Variants in SCART1 observed in about 807,000 individuals in gnomAD.
The protein encoded by SCART1 is scavenger receptor family member expressed on T cells 1, also known as scavenger receptor cysteine-rich domain-containing protein SCART1.
A neutral mutation model predicts 36.2 loss-of-function variants in SCART1; 62 were observed. That is an observed-to-expected ratio of 1.71 (90% CI 1.40 to 2.12). SCART1 has a LOEUF of 2.12. Ranked by LOEUF, SCART1 falls within the 30% of genes most tolerant of loss-of-function variation. The probability of loss-of-function intolerance (pLI) is 0.00; values close to 1 mark genes in which losing one functional copy is unlikely to be tolerated. For synonymous variants in SCART1, 487 were observed against 238.7 expected, an observed-to-expected ratio of 2.04 and a Z score of -9.59; for missense variants, 1,041 against 540.5, an observed-to-expected ratio of 1.93 and a Z score of -9.18.
chr10:133,456,128 C>T (rs1450470915), intron 1 of SCART1, 109 bp from the exon 2 acceptor site: 4 of 634,616 alleles, frequency 6.3e-6, no homozygotes, highest in Non-Finnish European at 1.1e-5. Context: ...TGAGAGGAGC[C>T]CGACTCGCTG....
chr10:133,463,976 C>G (rs1023672911), intron 6 of SCART1, among the ~76,000 whole-genome samples: 1 of 152,162 alleles, frequency 6.6e-6, no homozygotes, highest in Admixed American at 6.5e-5. Flanking sequence ...CCTCCCTCCC[C>G]CAACCCTTCC....
chr10:133,458,278 A>C, intron 3 of SCART1, 82 bp from the exon 4 acceptor site: 1 of 701,748 alleles, frequency 1.4e-6, no homozygotes, highest in Non-Finnish European at 2.6e-6. Flanking sequence ...TCCTGGCTGA[A>C]GCCTTCCGCA....
At chr10:133,468,567 T>C (rs540333534) in exon 12 of SCART1, 2 of 152,348 alleles carry the variant, frequency 1.3e-5, no homozygotes, top group Admixed American at 1.3e-4. Context: ...TCAGAGCAAA[T>C]GTGTTCCACA....
At chr10:133,465,414 G>C (rs891377485) in exon 9 of SCART1, 2 of 580,040 alleles carry the variant, frequency 3.4e-6, no homozygotes, top group South Asian at 4.1e-5. Flanking sequence ...TCGCCGCCCT[G>C]GGGGCCGCCG....
chr10:133,462,271 C>CA (rs1340942547), intron 6 of SCART1, among the ~76,000 whole-genome samples: 2 of 152,332 alleles, frequency 1.3e-5, no homozygotes, highest in African/African-American at 4.8e-5. Flanking sequence ...GTCCAGGGTA[C>CA]AAACTTTGAT....
exon 5 of SCART1, chr10:133,459,083 T>C: frequency 1.4e-6 from 1 of 692,782 alleles, no homozygotes; most frequent in Non-Finnish European, 2.6e-6. Context: ...GGTGCAGGGG[T>C]CCTGGGCACC....
At chr10:133,464,388 T>C (rs951549349) in intron 6 of SCART1, 20 of 494,104 alleles carry the variant, frequency 4.0e-5, no homozygotes, top group Non-Finnish European at 6.7e-5. Flanking sequence ...GGCGTGCAGA[T>C]GTTTCTGCTG....
At chr10:133,460,798 G>A (rs1850693031) in intron 6 of SCART1, among the ~76,000 whole-genome samples, 2 of 151,848 alleles carry the variant, frequency 1.3e-5, no homozygotes, top group Middle Eastern at 3.4e-3. Context: ...GAGTGCAATG[G>A]TGCAATCTTG....
At chr10:133,458,843 A>G (rs1850655987) in intron 4 of SCART1, 178 bp from the exon 5 acceptor site, 1 of 650,968 alleles carries the variant, frequency 1.5e-6, no homozygotes, top group African/African-American at 1.8e-5. Flanking sequence ...AGCTAAGATC[A>G]AATTCTTCTG....
intron 9 of SCART1, chr10:133,465,974 T>G: frequency 3.0e-6 from 2 of 666,576 alleles, no homozygotes; most frequent in South Asian, 3.0e-5. Flanking sequence ...TCACCTCTTG[T>G]GACTTGCCCT....
chr10:133,455,451 C>T (rs1039349476), intron 1 of SCART1, among the ~76,000 whole-genome samples: 7 of 151,950 alleles, frequency 4.6e-5, no homozygotes, highest in Non-Finnish European at 2.9e-5. Flanking sequence ...CCCCCCTCTG[C>T]TCCTGACTGC....
At chr10:133,455,716 A>G (rs1290437528) in intron 1 of SCART1, among the ~76,000 whole-genome samples, 4 of 151,568 alleles carry the variant, frequency 2.6e-5, no homozygotes, top group African/African-American at 7.3e-5. Flanking sequence ...GGAAGCCGGT[A>G]TGGGTGGGGT....
chr10:133,459,525 C>T lies in SCART1; in HGVS notation c.1324C>T (p.Arg442Cys), dbSNP rs1279128791. ...CCTGCGACTGAGGGAAGGACAGAGC[C>T]GCTGTGACGGCCGCGTGGAGGTCTC... The change falls in exon 6 of 12, where the codon CGC becomes TGC. Residue 442 changes from arginine to cysteine, a missense_variant. Transcript: ENST00000640237. 4.6e-6 allele frequency: 3 copies of T among 658,592 alleles called. No homozygotes were observed. The East Asian group carries it at 8.7e-5, about 19-fold the overall frequency. 40.8% of individuals were successfully genotyped at this position (658,592 alleles called of 1,614,324 possible). A position where few individuals can be genotyped will look rare whatever the true frequency, so the allele number is the denominator to read the frequency against.
intron 8 of SCART1, 23 bp downstream of exon 8, chr10:133,465,197 G>A: frequency 1.4e-6 from 1 of 702,952 alleles, no homozygotes; most frequent in Non-Finnish European, 2.6e-6. Flanking sequence ...CCTTGTCGCT[G>A]TCCTCCTTCC....
exon 6 of SCART1, chr10:133,459,581 C>A (rs117139762): frequency 7.4e-6 from 5 of 676,780 alleles, no homozygotes; most frequent in Non-Finnish European, 1.3e-5. Context: ...GCGTCCTGGA[C>A]GATGCCTGGG....
chr10:133,459,971 G>C, exon 6 of SCART1: 1 of 545,122 alleles, frequency 1.8e-6, no homozygotes, highest in Non-Finnish European at 3.2e-6. Context: ...TGCGGGACGC[G>C]CACGTGGTCT....
At chr10:133,459,805 G>C (rs731946) in exon 6 of SCART1, 30,377 of 648,766 alleles carry the variant, frequency 0.047, 929 homozygotes, top group East Asian at 0.11. Context: ...GTGTGCTCCG[G>C]TGAGGTCGGA....
rs1163852242 is a variant in SCART1 at position 133,460,258 on chromosome 10, G to A, written c.1969+88G>A. 12 of 404,616 alleles carry A rather than the reference G, an allele frequency of 3.0e-5. No individual in the cohort carries two copies. In the East Asian group the frequency reaches 3.9e-4, roughly 13 times the overall value. The allele number at this position is 404,616 out of a possible 1,614,324, so 25.1% of individuals were successfully genotyped here. On this transcript the variant is annotated intron_variant, in intron 6 of 11. Coordinates refer to ENST00000640237, the Ensembl canonical transcript of SCART1. The stretch of plus-strand genomic sequence containing the variant: ...CTTTCCAGAACAGCATCAAACTATC[G>A]GGAGCTGTTCTCTTCCCTGAATGCA...
At chr10:133,456,382 C>T (rs947428765) in exon 2 of SCART1, 13 of 702,796 alleles carry the variant, frequency 1.8e-5, no homozygotes, top group African/African-American at 5.2e-5. Context: ...AGCTGGGCTG[C>T]GGCCCTGCCG....
Sources: allele counts gnomAD v4.1 joint callset (sites outside exome capture counted in the v4.1 genomes callset), GRCh38; gene constraint gnomAD v4.1.1; transcripts MANE v1.5; gene names NCBI Gene and HGNC (gene_info 2026-07-23, HGNC 2026-07-21).